MTRF1: variants seen among roughly 807,000 people sequenced by gnomAD.
The protein encoded by MTRF1 is peptide chain release factor 1, mitochondrial.
A neutral mutation model predicts 62.9 loss-of-function variants in MTRF1; 51 were observed. The ratio of observed to expected loss-of-function variants is 0.81; its 90% CI spans 0.65 to 1.02. MTRF1 has a LOEUF of 1.02. MTRF1 is among the 50% of genes least tolerant of loss of function. The pLI, the probability that MTRF1 is intolerant of heterozygous loss-of-function variation, is 0.00. For missense variants in MTRF1, 446 were observed against 530.0 expected (o/e 0.84, Z 1.56); for synonymous variants, 158 against 181.9 (o/e 0.87, Z 1.06).
At chr13:41,289,523 G>A in the MTRF1 span, among the ~76,000 whole-genome samples, 3 of 152,050 alleles carry the variant, frequency 2.0e-5, no homozygotes, top group South Asian at 2.1e-4. Context: ...GGCGTGAGCC[G>A]CCGTGCCCAG....
At chr13:41,283,165 C>T in the MTRF1 span, among the ~76,000 whole-genome samples, 1 of 152,222 alleles carries the variant, frequency 6.6e-6, no homozygotes, top group African/African-American at 2.4e-5. Context: ...TAGAATCTAG[C>T]AGCTCTTCAC....
chr13:41,281,112 C>A, the MTRF1 span, among the ~76,000 whole-genome samples: 1 of 152,200 alleles, frequency 6.6e-6, no homozygotes, highest in Admixed American at 6.5e-5. Context: ...AGTGTGGATA[C>A]CCCTCATGTC....
chr13:41,229,672 C>T lies in MTRF1; in HGVS notation c.989-3104G>A, dbSNP rs1215451076. 5 of 152,292 alleles carry T rather than the reference C, an allele frequency of 3.3e-5. No individual in the cohort carries two copies. The South Asian group carries it at 1.0e-3, about 32-fold the overall frequency. 9.4% of individuals were successfully genotyped at this position (152,292 alleles called of 1,614,324 possible). ...TTTTTACCCATTTTAATTTTTAATT[C>T]ATCTTAAGCTAATTATTACTGTTCT... On this transcript the variant is annotated intron_variant, in intron 7 of 9. Coordinates refer to ENST00000379480, the MANE Select transcript of MTRF1 (RefSeq NM_004294.4).
chr13:41,245,079 C>T (rs2038062012), intron 5 of MTRF1, among the ~76,000 whole-genome samples: 1 of 152,050 alleles, frequency 6.6e-6, no homozygotes, highest in Admixed American at 6.6e-5. Flanking sequence ...AAAAAATTTT[C>T]CTTTTTAACT....
chr13:41,303,530 G>A, the MTRF1 span, among the ~76,000 whole-genome samples: 1 of 152,192 alleles, frequency 6.6e-6, no homozygotes, highest in Non-Finnish European at 1.5e-5. Flanking sequence ...ATGAAGACTT[G>A]ATTGAGGACC....
the MTRF1 span, among the ~76,000 whole-genome samples, chr13:41,294,765 G>A: frequency 6.6e-6 from 1 of 152,124 alleles, no homozygotes; most frequent in South Asian, 2.1e-4. Context: ...TTGTGATAAG[G>A]TTTGTGAAAA....
intron 5 of MTRF1, among the ~76,000 whole-genome samples, chr13:41,249,680 G>A (rs1593938788): frequency 8.8e-6 from 1 of 113,024 alleles, no homozygotes; most frequent in East Asian, 3.0e-4. Context: ...AGGCTGGAGT[G>A]CAGTGGCATG....
At chr13:41,219,359 AT>A (rs972972622) in intron 9 of MTRF1, among the ~76,000 whole-genome samples, 1 of 152,114 alleles carries the variant, frequency 6.6e-6, no homozygotes, top group African/African-American at 2.4e-5. Context: ...CATCTTTGGA[AT>A]TGATGTAAAA....
intron 6 of MTRF1, chr13:41,236,735 T>C (rs759442707): frequency 7.2e-5 from 11 of 152,216 alleles, no homozygotes; most frequent in African/African-American, 1.4e-4. Context: ...AGTAGTTACA[T>C]AGAAAATGTG....
rs936289406 is a variant in MTRF1 at position 41,260,045 on chromosome 13, G to A, written c.415+448C>T. ...TTTGTCTCCCAGACCTTGAGACCACGGGAAGTACCACGAGGAGCCTGTTTA... is the reference window on the plus strand; with the variant it reads ...TTTGTCTCCCAGACCTTGAGACCACAGGAAGTACCACGAGGAGCCTGTTTA... On this transcript the variant is annotated intron_variant, in intron 2 of 9. Coordinates refer to ENST00000379480, the MANE Select transcript of MTRF1 (RefSeq NM_004294.4). Among the ~76,000 whole-genome samples the A allele has an allele frequency of 4.6e-5, 7 of 152,244 alleles. No individual in the cohort carries two copies. The East Asian group carries it at 1.2e-3, about 25-fold the overall frequency.
upstream of MTRF1, chr13:41,263,594 C>T (rs115348548): frequency 3.8e-3 from 732 of 194,776 alleles, 7 homozygotes; most frequent in African/African-American, 0.016. Context: ...TCCTGGTTCA[C>T]TTCTTCCGGG....
At chr13:41,268,454 G>A (rs1225452195), upstream of MTRF1, among the ~76,000 whole-genome samples, 1 of 152,046 alleles carries the variant, frequency 6.6e-6, no homozygotes, top group Non-Finnish European at 1.5e-5. Context: ...GCTGAGGAAG[G>A]AGAATTACTT....
the MTRF1 span, among the ~76,000 whole-genome samples, chr13:41,294,906 A>G: frequency 6.6e-6 from 1 of 152,218 alleles, no homozygotes; most frequent in African/African-American, 2.4e-5. Flanking sequence ...TTGGTTCCCT[A>G]TGTTAGAATA....
the MTRF1 span, among the ~76,000 whole-genome samples, chr13:41,291,310 T>G: frequency 6.6e-6 from 1 of 151,968 alleles, no homozygotes; most frequent in African/African-American, 2.4e-5. Flanking sequence ...CCCGAGTAGC[T>G]GGGACTATAG....
At chr13:41,219,643 G>C (rs1164608666) in intron 9 of MTRF1, among the ~76,000 whole-genome samples, 1 of 152,126 alleles carries the variant, frequency 6.6e-6, no homozygotes, top group Non-Finnish European at 1.5e-5. Context: ...TTTTGAATTT[G>C]GTTTTACAAA....
intron 5 of MTRF1, among the ~76,000 whole-genome samples, chr13:41,244,094 G>C (rs990617714): frequency 2.2e-4 from 34 of 152,222 alleles, no homozygotes; most frequent in Middle Eastern, 3.4e-3. Context: ...TCTGAAGCTT[G>C]TTTTCTAGTA....
At chr13:41,236,840 A>T (rs765054672) in intron 6 of MTRF1, among the ~76,000 whole-genome samples, 2 of 152,224 alleles carry the variant, frequency 1.3e-5, no homozygotes, top group Non-Finnish European at 2.9e-5. Flanking sequence ...TAGGGCAGAT[A>T]AAGCATTTTA....
At chr13:41,298,534 T>C in the MTRF1 span, among the ~76,000 whole-genome samples, 1 of 152,262 alleles carries the variant, frequency 6.6e-6, no homozygotes, top group Non-Finnish European at 1.5e-5. Flanking sequence ...CCATTCATGA[T>C]CTGCTTCAGA....
the MTRF1 span, among the ~76,000 whole-genome samples, chr13:41,279,958 G>A: frequency 2.0e-5 from 3 of 152,038 alleles, no homozygotes; most frequent in Admixed American, 6.6e-5. Context: ...TTTATTTTGA[G>A]ACAGAGTTTT....
Sources: gnomAD v4.1 joint callset for allele counts (sites outside exome capture counted in the v4.1 genomes callset) on GRCh38, gnomAD v4.1.1 for gene constraint, MANE v1.5 for transcripts, NCBI Gene and HGNC (gene_info 2026-07-23, HGNC 2026-07-21) for gene names.